POFUT3: variants seen among roughly 807,000 people sequenced by gnomAD.
The protein encoded by POFUT3 is GDP-fucose protein O-fucosyltransferase 3.
At chr8:33,393,562 G>A in the POFUT3 span, among the ~76,000 whole-genome samples, 1 of 152,174 alleles carries the variant, frequency 6.6e-6, no homozygotes, top group Admixed American at 6.5e-5. Flanking sequence ...CCTTCTGCAG[G>A]AGCATGGCCT....
chr8:33,322,211 T>C, the POFUT3 span, among the ~76,000 whole-genome samples: 2 of 152,108 alleles, frequency 1.3e-5, no homozygotes. Flanking sequence ...AGTTTTCATG[T>C]TAATAACATC....
chr8:33,453,912 G>A, the POFUT3 span, among the ~76,000 whole-genome samples: 4 of 151,926 alleles, frequency 2.6e-5, no homozygotes, highest in South Asian at 2.1e-4. Flanking sequence ...CCAAGATCGC[G>A]CCACTGCACT....
chr8:33,410,155 G>A, the POFUT3 span, among the ~76,000 whole-genome samples: 2,024 of 152,230 alleles, frequency 0.013, 39 homozygotes, highest in African/African-American at 0.046. Context: ...GGAAGTGTCC[G>A]AGAGTTGACT....
At chr8:33,446,851 AATGAGG>A in the POFUT3 span, among the ~76,000 whole-genome samples, 1 of 152,166 alleles carries the variant, frequency 6.6e-6, no homozygotes, top group Admixed American at 6.6e-5. Context: ...GATATTGAAG[AATGAGG>A]ACTGCAGCAG....
chr8:33,448,150 G>C, the POFUT3 span, among the ~76,000 whole-genome samples: 2 of 151,922 alleles, frequency 1.3e-5, no homozygotes, highest in Non-Finnish European at 2.9e-5. Flanking sequence ...GACCAGCCTG[G>C]ACAACATTAT....
chr8:33,363,168 T>TC, the POFUT3 span, among the ~76,000 whole-genome samples: 3 of 152,194 alleles, frequency 2.0e-5, no homozygotes, highest in Admixed American at 2.0e-4. Context: ...CCTGAATGAC[T>TC]ACTGGTTAAA....
chr8:33,371,945 G>A, the POFUT3 span: 1 of 154,564 alleles, frequency 6.5e-6, no homozygotes, highest in Admixed American at 6.5e-5. Context: ...GTCTTTACAA[G>A]ACATTCTACT....
the POFUT3 span, among the ~76,000 whole-genome samples, chr8:33,455,153 A>G: frequency 6.6e-6 from 1 of 152,276 alleles, no homozygotes; most frequent in African/African-American, 2.4e-5. Context: ...ATAATACCTA[A>G]TGTCAAAATT....
At chr8:33,324,649 CT>C in the POFUT3 span, among the ~76,000 whole-genome samples, 2 of 152,102 alleles carry the variant, frequency 1.3e-5, no homozygotes, top group Admixed American at 6.6e-5. Flanking sequence ...ACGCAAAACA[CT>C]TTTAAAAGTC....
chr8:33,380,034 AT>A, the POFUT3 span, among the ~76,000 whole-genome samples: 2 of 75,494 alleles, frequency 2.6e-5, 1 homozygote, highest in African/African-American at 1.3e-4. Context: ...TATACTATAT[AT>A]ATACGATATA....
chr8:33,430,098 A>T, the POFUT3 span, among the ~76,000 whole-genome samples: 1 of 151,526 alleles, frequency 6.6e-6, no homozygotes, highest in African/African-American at 2.4e-5. Context: ...GCCATTACCA[A>T]CCCCCATTTT....
the POFUT3 span, among the ~76,000 whole-genome samples, chr8:33,316,805 G>A: frequency 1.3e-5 from 2 of 151,704 alleles, no homozygotes; most frequent in Admixed American, 1.3e-4. Flanking sequence ...GAGGCAAGGT[G>A]ACACAGATTA....
the POFUT3 span, chr8:33,453,091 A>T: frequency 1.1e-6 from 1 of 922,264 alleles, no homozygotes; most frequent in Non-Finnish European, 1.7e-6. Flanking sequence ...GCAAATGCAA[A>T]GGAAATCAGG....
At chr8:33,465,701 G>A in the POFUT3 span, among the ~76,000 whole-genome samples, 1 of 151,986 alleles carries the variant, frequency 6.6e-6, no homozygotes, top group Non-Finnish European at 1.5e-5. Context: ...GAATTATCTT[G>A]AACACCTCAA....
the POFUT3 span, among the ~76,000 whole-genome samples, chr8:33,360,002 T>C: frequency 4.0e-5 from 6 of 151,306 alleles, no homozygotes; most frequent in African/African-American, 1.5e-4. Flanking sequence ...CAAGACTCCA[T>C]CTCAAAAAAA....
At chr8:33,393,235 C>T in the POFUT3 span, among the ~76,000 whole-genome samples, 1 of 152,156 alleles carries the variant, frequency 6.6e-6, no homozygotes, top group Admixed American at 6.5e-5. Context: ...ATGTGACTAA[C>T]GTATGTGCAA....
At chr8:33,446,406 G>A in the POFUT3 span, among the ~76,000 whole-genome samples, 12 of 148,792 alleles carry the variant, frequency 8.1e-5, no homozygotes, top group Admixed American at 2.0e-4. Context: ...GCAATGAGTC[G>A]ATATCACACC....
the POFUT3 span, among the ~76,000 whole-genome samples, chr8:33,312,820 A>G: frequency 6.6e-6 from 1 of 152,264 alleles, no homozygotes; most frequent in East Asian, 1.9e-4. Flanking sequence ...GTCTAGAAAC[A>G]GCCATCTAAG....
chr8:33,416,583 T>A, the POFUT3 span, among the ~76,000 whole-genome samples: 11 of 150,944 alleles, frequency 7.3e-5, no homozygotes, highest in African/African-American at 2.7e-4. Flanking sequence ...TGGGGGTGCA[T>A]GATTGTGATC....
Sources: allele counts gnomAD v4.1 joint callset (sites outside exome capture counted in the v4.1 genomes callset), GRCh38; gene constraint gnomAD v4.1.1; transcripts MANE v1.5; gene names NCBI Gene and HGNC (gene_info 2026-07-23, HGNC 2026-07-21).